The following VAV3 variants were observed in gnomAD, a reference collection of about 807,000 sequenced individuals.
VAV3 encodes guanine nucleotide exchange factor VAV3.
A neutral mutation model predicts 131.2 loss-of-function variants in VAV3; 94 were observed. That is an observed-to-expected ratio of 0.72 (90% confidence interval 0.61 to 0.85). The LOEUF (loss-of-function observed/expected upper bound fraction) is 0.85. Ranked by LOEUF, VAV3 falls within the 40% of genes least tolerant of loss-of-function variation. VAV3 has a pLI of 0.00. For missense variants in VAV3, 939 were observed against 1,002.7 expected, an observed-to-expected ratio of 0.94 and a Z score of 0.86; for synonymous variants, 349 against 342.0, an observed-to-expected ratio of 1.02 and a Z score of -0.22.
At chr1:107,908,344 T>C (rs914143281) in intron 1 of VAV3, among the ~76,000 whole-genome samples, 1 of 152,192 alleles carries the variant, frequency 6.6e-6, no homozygotes, top group African/African-American at 2.4e-5. Flanking sequence ...ATATCATAGG[T>C]GGTGGCTTCC....
chr1:107,738,647 G>C (rs1295926993), intron 15 of VAV3, among the ~76,000 whole-genome samples: 2 of 152,160 alleles, frequency 1.3e-5, no homozygotes, highest in Admixed American at 1.3e-4. Context: ...GTGTTGTATA[G>C]CCCAAAGTAG....
At chr1:107,672,268 C>CAAAAAAAAAAAAAAAAAA in intron 19 of VAV3, 1 of 77,740 alleles carries the variant, frequency 1.3e-5, no homozygotes, top group Non-Finnish European at 2.5e-5. Context: ...GACTCTGTCT[C>CAAAAAAAAAAAAAAAAAA]AAAAAAAAAA....
intron 1 of VAV3, among the ~76,000 whole-genome samples, chr1:107,888,048 A>G (rs1671122281): frequency 6.6e-6 from 1 of 152,116 alleles, no homozygotes; most frequent in Non-Finnish European, 1.5e-5. Flanking sequence ...ATCAGACTTA[A>G]GAATAGTGTG....
intron 2 of VAV3, among the ~76,000 whole-genome samples, chr1:107,829,674 C>T (rs1035861849): frequency 1.3e-5 from 2 of 151,932 alleles, no homozygotes; most frequent in East Asian, 3.9e-4. Context: ...TTACTTTAGC[C>T]TAAGACATCC....
intron 23 of VAV3, among the ~76,000 whole-genome samples, chr1:107,602,824 A>G (rs1436937350): frequency 6.6e-6 from 1 of 152,196 alleles, no homozygotes; most frequent in Non-Finnish European, 1.5e-5. Context: ...CCACCAAAAC[A>G]CAATATTATG....
intron 1 of VAV3, among the ~76,000 whole-genome samples, chr1:107,936,395 AGATTCTGGGTCT>A (rs1673711289): frequency 6.6e-6 from 1 of 152,214 alleles, no homozygotes; most frequent in African/African-American, 2.4e-5. Flanking sequence ...AAGGTAAATC[AGATTCTGGGTCT>A]GATTTTTAGA....
intron 2 of VAV3, among the ~76,000 whole-genome samples, chr1:107,828,785 C>T (rs773656126): frequency 2.0e-5 from 3 of 152,132 alleles, no homozygotes; most frequent in Non-Finnish European, 4.4e-5. Flanking sequence ...GTCTTTATCA[C>T]ATCTGCAAAG....
intron 2 of VAV3, among the ~76,000 whole-genome samples, chr1:107,856,776 C>T (rs901297093): frequency 6.6e-6 from 1 of 152,152 alleles, no homozygotes; most frequent in Non-Finnish European, 1.5e-5. Context: ...GTGGCTCACA[C>T]CTGTAATCCC....
At chr1:107,767,573 G>A (rs780738961) in intron 7 of VAV3, among the ~76,000 whole-genome samples, 1 of 152,208 alleles carries the variant, frequency 6.6e-6, no homozygotes, top group Non-Finnish European at 1.5e-5. Flanking sequence ...CAGGGACAAG[G>A]ATGACATGCC....
chr1:107,587,274 G>C (rs1650574904), intron 25 of VAV3, among the ~76,000 whole-genome samples: 1 of 152,194 alleles, frequency 6.6e-6, no homozygotes, highest in Non-Finnish European at 1.5e-5. Context: ...ATGTTATTAA[G>C]AGCAAGAGAG....
chr1:107,767,327 C>T (rs1664789476), intron 7 of VAV3, among the ~76,000 whole-genome samples: 1 of 152,126 alleles, frequency 6.6e-6, no homozygotes, highest in African/African-American at 2.4e-5. Context: ...AACTAGGTGC[C>T]AATTCTCCCA....
At chr1:107,651,113 G>C (rs1293950569) in intron 19 of VAV3, among the ~76,000 whole-genome samples, 1 of 152,092 alleles carries the variant, frequency 6.6e-6, no homozygotes, top group Non-Finnish European at 1.5e-5. Flanking sequence ...TACCACGTGA[G>C]AACACTGAGA....
chr1:107,788,855 T>C (rs139767255), intron 2 of VAV3, among the ~76,000 whole-genome samples: 2 of 152,338 alleles, frequency 1.3e-5, no homozygotes, highest in African/African-American at 4.8e-5. Context: ...TTTAAGCAGA[T>C]AGTAGAGAGA....
intron 1 of VAV3, among the ~76,000 whole-genome samples, chr1:107,905,615 A>G (rs1408073638): frequency 1.3e-5 from 2 of 152,214 alleles, no homozygotes; most frequent in Non-Finnish European, 2.9e-5. Flanking sequence ...AATATTCCAC[A>G]AAGACATGGG....
At chr1:107,810,769 A>G (rs759233113) in intron 2 of VAV3, among the ~76,000 whole-genome samples, 10 of 152,176 alleles carry the variant, frequency 6.6e-5, no homozygotes, top group Admixed American at 3.3e-4. Flanking sequence ...CATCCAGGAT[A>G]TCCTGAGATC....
chr1:107,587,092 T>C (rs1461869551), intron 25 of VAV3, among the ~76,000 whole-genome samples: 2 of 152,158 alleles, frequency 1.3e-5, no homozygotes, highest in African/African-American at 2.4e-5. Context: ...TTCTCTGGCA[T>C]TCCTACCTAT....
intron 15 of VAV3, among the ~76,000 whole-genome samples, chr1:107,741,718 G>A (rs753916944): frequency 1.1e-4 from 17 of 152,182 alleles, no homozygotes; most frequent in Non-Finnish European, 2.1e-4. Context: ...ATATGAGAAT[G>A]TAGGTGGGCC....
rs1025059378 is a variant in VAV3 at position 107,704,585 on chromosome 1, C to T, written c.1670G>A (p.Gly557Glu). 7 of 1,613,796 alleles carry T rather than the reference C, an allele frequency of 4.3e-6. No individual in the cohort carries two copies. Among genetic ancestry groups the T allele is most frequent in the Non-Finnish European group, 4.2e-6 (5 of 1,179,882 alleles). ...CGARAHKECLGRVDNCGRVNS... is the reference protein window; with the variant it reads ...CGARAHKECLERVDNCGRVNS... ...AACTCTGCCACAATTGTCTACTCTT[C>T]CCAAACATTCTTTGTGTGCTCTCGC... is the stretch of plus-strand genomic sequence containing the variant. The change falls in exon 17 of 27, where the codon GGA (glycine) becomes GAA (glutamate). Residue 557 changes from glycine (G) to glutamate (E), a missense_variant. By Grantham distance (98) the Gly-to-Glu change is moderately conservative. Coordinates refer to ENST00000370056, the MANE Select transcript of VAV3 (RefSeq NM_006113.5).
At chr1:107,880,796 CA>C (rs750966707) in intron 1 of VAV3, among the ~76,000 whole-genome samples, 176 of 86,254 alleles carry the variant, frequency 2.0e-3, no homozygotes, top group Non-Finnish European at 1.7e-3. Flanking sequence ...ATTCTGTCTC[CA>C]AAAAAAAAAA....
Sources: allele counts gnomAD v4.1 joint callset (sites outside exome capture counted in the v4.1 genomes callset), GRCh38; gene constraint gnomAD v4.1.1; transcripts MANE v1.5; gene names NCBI Gene and HGNC (gene_info 2026-07-23, HGNC 2026-07-21).